The following CSMD2 variants were observed in gnomAD, a reference collection of about 807,000 sequenced individuals.
CSMD2 encodes the protein CUB and sushi domain-containing protein 2.
Under a neutral mutation model 398.5 loss-of-function variants are expected in CSMD2, and 130 were observed. The ratio of observed to expected loss-of-function variants is 0.33; its 90% CI spans 0.28 to 0.38. The LOEUF is 0.38. Ranked by LOEUF, CSMD2 falls within the 10% of genes least tolerant of loss-of-function variation. The probability of loss-of-function intolerance (pLI) is 1.00; values close to 1 mark genes in which losing one functional copy is unlikely to be tolerated. For synonymous variants in CSMD2, 1,828 were observed against 1,908.5 expected (o/e 0.96, Z 1.10); for missense variants, 3,829 against 4,764.9 (o/e 0.80, Z 5.78).
chr1:33,545,448 T>C (rs571100145), intron 57 of CSMD2, among the ~76,000 whole-genome samples: 92 of 152,334 alleles, frequency 6.0e-4, no homozygotes, highest in African/African-American at 2.0e-3. Flanking sequence ...GTCTCTTCCC[T>C]TAGACTGTAA....
chr1:33,544,831 T>TTATATATATATATATATATATATATA (rs56072818), intron 57 of CSMD2, among the ~76,000 whole-genome samples: 41 of 141,984 alleles, frequency 2.9e-4, no homozygotes, highest in South Asian at 1.9e-3. Context: ...CACTGTGCAT[T>TTATATATATATATATATATATATATA]TATATATATA....
intron 22 of CSMD2, among the ~76,000 whole-genome samples, chr1:33,702,496 T>G (rs1012834391): frequency 6.6e-6 from 1 of 152,182 alleles, no homozygotes; most frequent in African/African-American, 2.4e-5. Context: ...TGCAAATAAC[T>G]TTCAGAACTT....
chr1:34,117,355 T>G (rs1167500914), intron 1 of CSMD2, among the ~76,000 whole-genome samples: 1 of 151,976 alleles, frequency 6.6e-6, no homozygotes, highest in Non-Finnish European at 1.5e-5. Context: ...TTGGATAACC[T>G]AGAAGAAATT....
chr1:33,984,937 A>C (rs1325747320), intron 3 of CSMD2, among the ~76,000 whole-genome samples: 2 of 152,166 alleles, frequency 1.3e-5, no homozygotes, highest in Non-Finnish European at 2.9e-5. Context: ...AGTGTATAAA[A>C]GAGGTGATGT....
rs959629802 is a variant in CSMD2 at position 33,580,698 on chromosome 1, C to T, written c.7387+55G>A. ...TGGCCGCCCGGTCTCCACAGAGGAGCTTGAGGCTTCGATGAGGAGAGGGCC... is the reference window on the plus strand; with the variant it reads ...TGGCCGCCCGGTCTCCACAGAGGAGTTTGAGGCTTCGATGAGGAGAGGGCC... On this transcript the variant is annotated intron_variant, in intron 48 of 70. Transcript: ENST00000373381. 3 of 1,602,102 alleles carry T rather than the reference C, an allele frequency of 1.9e-6. No homozygotes were observed. In the East Asian group the frequency reaches 6.7e-5, roughly 36 times the overall value.
At chr1:33,593,232 GC>G (rs2148775179) in intron 44 of CSMD2, among the ~76,000 whole-genome samples, 1 of 152,284 alleles carries the variant, frequency 6.6e-6, no homozygotes, top group South Asian at 2.1e-4. Flanking sequence ...GTTTATGTTT[GC>G]CCAATATAAT....
intron 4 of CSMD2, among the ~76,000 whole-genome samples, chr1:33,930,911 C>G (rs1047790899): frequency 6.6e-6 from 1 of 152,188 alleles, no homozygotes; most frequent in Non-Finnish European, 1.5e-5. Context: ...GTTCCCTATT[C>G]CCCCACTCCT....
chr1:34,090,851 A>C (rs1658480499), intron 1 of CSMD2, among the ~76,000 whole-genome samples: 1 of 152,186 alleles, frequency 6.6e-6, no homozygotes, highest in South Asian at 2.1e-4. Context: ...AGGAAAATTA[A>C]AGTATACAAG....
intron 13 of CSMD2, among the ~76,000 whole-genome samples, chr1:33,754,214 T>C (rs1041066361): frequency 6.6e-6 from 1 of 151,934 alleles, no homozygotes; most frequent in Admixed American, 6.6e-5. Flanking sequence ...TGGGGGGAGG[T>C]ATTTGGATAA....
In CSMD2 at chr1:33,514,345, GA is replaced by G. The variant is rs780407224; in HGVS notation, c.*2278del. The G allele has an allele frequency of 9.4e-5, 14 of 148,482 alleles. No homozygotes were observed. The highest frequency in any genetic ancestry group is 1.7e-4 in the African/African-American group (7 of 40,142). The allele number at this position is 148,482 out of a possible 1,614,324, so 9.2% of individuals were successfully genotyped here. On this transcript the variant is annotated 3_prime_UTR_variant, in exon 71 of 71. Coordinates refer to ENST00000373381, the MANE Select transcript of CSMD2 (RefSeq NM_001281956.2). ...AATAAAAATATATCTCTGTACAAAA[GA>G]TTTTTTTTGTCTTTGTTTTACTTTT...
At chr1:33,698,287 A>T (rs757752626) in intron 24 of CSMD2, among the ~76,000 whole-genome samples, 1 of 152,152 alleles carries the variant, frequency 6.6e-6, no homozygotes, top group Non-Finnish European at 1.5e-5. Context: ...TTATCTTACT[A>T]TGTCTTTTGA....
At chr1:33,705,939 A>T (rs1263750276) in intron 22 of CSMD2, among the ~76,000 whole-genome samples, 1 of 151,776 alleles carries the variant, frequency 6.6e-6, no homozygotes, top group Non-Finnish European at 1.5e-5. Flanking sequence ...TTATTTAAAA[A>T]AAAAAAAAAC....
chr1:33,763,417 A>G (rs1003350268), intron 13 of CSMD2, among the ~76,000 whole-genome samples: 2 of 152,216 alleles, frequency 1.3e-5, no homozygotes, highest in Non-Finnish European at 2.9e-5. Context: ...GACAAGGCCA[A>G]GAATTTTGTA....
intron 3 of CSMD2, among the ~76,000 whole-genome samples, chr1:33,939,216 A>G (rs930900895): frequency 1.3e-5 from 2 of 151,726 alleles, no homozygotes; most frequent in African/African-American, 4.8e-5. Flanking sequence ...TATTTGGTGT[A>G]TCCCATGAGA....
intron 12 of CSMD2, among the ~76,000 whole-genome samples, chr1:33,773,170 C>CCTT (rs138039300): frequency 0.028 from 4,191 of 152,314 alleles, 77 homozygotes; most frequent in African/African-American, 0.042. Context: ...CTGAACCTGA[C>CCTT]CTTGCATCTG....
chr1:34,070,097 C>G (rs752393763), intron 2 of CSMD2, among the ~76,000 whole-genome samples: 1 of 152,216 alleles, frequency 6.6e-6, no homozygotes, highest in Non-Finnish European at 1.5e-5. Flanking sequence ...AAAATCTTTA[C>G]TCTTCTACAT....
intron 1 of CSMD2, among the ~76,000 whole-genome samples, chr1:34,160,452 C>T (rs59653307): frequency 2.0e-5 from 3 of 152,176 alleles, no homozygotes; most frequent in East Asian, 3.9e-4. Context: ...TGTAACCAAA[C>T]GGTGATACTT....
intron 3 of CSMD2, among the ~76,000 whole-genome samples, chr1:33,955,642 T>C (rs141662913): frequency 1.3e-3 from 202 of 152,258 alleles, no homozygotes; most frequent in African/African-American, 4.7e-3. Flanking sequence ...GTACCTATAT[T>C]GTAGGGTTGT....
chr1:33,796,621 G>A (rs1396637425), intron 10 of CSMD2, among the ~76,000 whole-genome samples: 2 of 144,306 alleles, frequency 1.4e-5, no homozygotes, highest in African/African-American at 2.9e-5. Flanking sequence ...CAAACTGATT[G>A]TAAAACGTGT....
Sources: gnomAD v4.1 joint callset for allele counts (sites outside exome capture counted in the v4.1 genomes callset) on GRCh38, gnomAD v4.1.1 for gene constraint, MANE v1.5 for transcripts, NCBI Gene and HGNC (gene_info 2026-07-23, HGNC 2026-07-21) for gene names.